The following COL4A2 variants were observed in gnomAD, a reference collection of about 807,000 sequenced individuals.
The protein encoded by COL4A2 is collagen alpha-2(IV) chain.
COL4A2 carries 99 observed loss-of-function variants against 200.2 expected under a neutral mutation model. That is an observed-to-expected ratio of 0.49 (90% CI 0.42 to 0.58). The LOEUF is 0.58. COL4A2 is among the 20% of genes least tolerant of loss of function. COL4A2 has a pLI of 0.00. For synonymous variants in COL4A2, 897 were observed against 900.6 expected (o/e 1.00, Z 0.07); for missense variants, 1,950 against 2,314.1 (o/e 0.84, Z 3.23).
At chr13:110,440,456 G>T (rs2139469454) in intron 16 of COL4A2, among the ~76,000 whole-genome samples, 1 of 152,092 alleles carries the variant, frequency 6.6e-6, no homozygotes, top group African/African-American at 2.4e-5. Context: ...AATTTGCCAG[G>T]CATGGTGTGG....
chr13:110,336,617 G>T lies in COL4A2; in HGVS notation c.100-20855G>T, dbSNP rs1876204166. Among the ~76,000 whole-genome samples the T allele has an allele frequency of 2.0e-5, 3 of 152,272 alleles. 1 individual carries two copies. The highest frequency in any genetic ancestry group is 6.8e-3 in the Middle Eastern group (2 of 294). ...TTGTTCCCTTTCCTGGGGAAAGGGG[G>T]TCCCTTTTTATCTGCATCAGGGGTT... On this transcript the variant is annotated intron_variant, in intron 3 of 47. Transcript: ENST00000360467.
At chr13:110,311,418 G>T (rs1884979193) in intron 3 of COL4A2, among the ~76,000 whole-genome samples, 1 of 152,192 alleles carries the variant, frequency 6.6e-6, no homozygotes, top group Non-Finnish European at 1.5e-5. Flanking sequence ...CTTGAGGCAG[G>T]TGACGGGGTG....
intron 4 of COL4A2, among the ~76,000 whole-genome samples, chr13:110,395,835 C>T (rs957948368): frequency 1.3e-5 from 2 of 152,148 alleles, no homozygotes; most frequent in African/African-American, 2.4e-5. Context: ...ATCCCAGCTA[C>T]TCGGAAGTTT....
intron 4 of COL4A2, among the ~76,000 whole-genome samples, chr13:110,367,649 G>T (rs1314148377): frequency 6.6e-6 from 1 of 152,270 alleles, no homozygotes; most frequent in African/African-American, 2.4e-5. Flanking sequence ...AGCAAAAGCA[G>T]GCTTTCTCAG....
chr13:110,364,029 A>G (rs1307648525), intron 4 of COL4A2, among the ~76,000 whole-genome samples: 1 of 152,204 alleles, frequency 6.6e-6, no homozygotes. Context: ...AGATGTGGGC[A>G]TGTGTGGAAT....
intron 20 of COL4A2, among the ~76,000 whole-genome samples, chr13:110,452,045 C>T (rs59717095): frequency 0.088 from 13,337 of 152,306 alleles, 663 homozygotes; most frequent in East Asian, 0.19. Flanking sequence ...CTTACAGCCT[C>T]CTACCTTCGG....
chr13:110,313,364 T>G lies in COL4A2; in HGVS notation c.99+5241T>G, dbSNP rs1055063471. Among the ~76,000 whole-genome samples the G allele has an allele frequency of 4.6e-5, 7 of 152,306 alleles. No individual in the cohort carries two copies. The South Asian group carries it at 6.2e-4, about 14-fold the overall frequency. On this transcript the variant is annotated intron_variant, in intron 3 of 47. Coordinates refer to ENST00000360467, the MANE Select transcript of COL4A2 (RefSeq NM_001846.4). ...CTGAAAGGAGAAGGCGGCATCTAAT[T>G]CTAGGGAGACTTCACAGGTGTCTCC...
chr13:110,346,119 T>C (rs931640155), intron 3 of COL4A2, among the ~76,000 whole-genome samples: 1 of 152,188 alleles, frequency 6.6e-6, no homozygotes, highest in African/African-American at 2.4e-5. Context: ...AGAGGTGAAT[T>C]TGGAAATGAG....
chr13:110,331,481 C>T lies in COL4A2; in HGVS notation c.99+23358C>T, dbSNP rs1045206902. 3.3e-5 allele frequency among the ~76,000 whole-genome samples: 5 copies of T among 152,298 alleles called. No homozygotes were observed. In the East Asian group the frequency reaches 5.8e-4, roughly 18 times the overall value. On this transcript the variant is annotated intron_variant, in intron 3 of 47. Coordinates refer to ENST00000360467, the MANE Select transcript of COL4A2 (RefSeq NM_001846.4). The stretch of plus-strand genomic sequence containing the variant: ...GGCTGCCTTGGCCCATGCAGACTCA[C>T]GCCTGACCCTCGTTACTGGGCCGCT...
intron 10 of COL4A2, chr13:110,430,860 C>T: frequency 1.4e-6 from 1 of 702,098 alleles, no homozygotes; most frequent in Admixed American, 1.8e-5. Context: ...TTGGTTCCGG[C>T]AGGGTGCCCT....
At chr13:110,365,454 A>T (rs1269122820) in intron 4 of COL4A2, among the ~76,000 whole-genome samples, 3 of 152,052 alleles carry the variant, frequency 2.0e-5, no homozygotes, top group Admixed American at 2.0e-4. Context: ...CATTTTCTTT[A>T]ATTAGAACTA....
chr13:110,358,920 T>C (rs1444290745), intron 4 of COL4A2, among the ~76,000 whole-genome samples: 3 of 152,228 alleles, frequency 2.0e-5, no homozygotes, highest in Admixed American at 1.3e-4. Context: ...TCATTGTTCA[T>C]TATAAGTACG....
intron 4 of COL4A2, among the ~76,000 whole-genome samples, chr13:110,410,367 C>G (rs990169295): frequency 6.6e-6 from 1 of 152,224 alleles, no homozygotes; most frequent in African/African-American, 2.4e-5. Flanking sequence ...TAAGTTGCTG[C>G]TAACATCCTG....
intron 4 of COL4A2, among the ~76,000 whole-genome samples, chr13:110,377,310 T>C (rs1878277674): frequency 6.6e-6 from 1 of 152,206 alleles, no homozygotes; most frequent in Non-Finnish European, 1.5e-5. Flanking sequence ...GCAGTATTGG[T>C]TGCATCTGTC....
chr13:110,473,301 C>T, intron 29 of COL4A2, 151 bp downstream of exon 29: 1 of 671,404 alleles, frequency 1.5e-6, no homozygotes, highest in Non-Finnish European at 2.4e-6. Context: ...TTCCAGCACT[C>T]CTTTAGAATG....
chr13:110,471,786 A>G (rs1882478235), intron 28 of COL4A2, among the ~76,000 whole-genome samples: 1 of 152,204 alleles, frequency 6.6e-6, no homozygotes, highest in Non-Finnish European at 1.5e-5. Flanking sequence ...CACAGAACAC[A>G]GAAAACATTC....
rs4771680 is a variant in COL4A2, at chr13:110,445,670, T to C, written c.958-159T>C. On this transcript the variant is annotated intron_variant, in intron 16 of 47. Coordinates refer to ENST00000360467, the MANE Select transcript of COL4A2 (RefSeq NM_001846.4). ...CTAGCAAAGCAACCTTAAAAAGACA[T>C]TTTTGAGACCCAAGTCAGGGAAAAT... 0.19 allele frequency among the ~76,000 whole-genome samples: 28,989 copies of C among 152,254 alleles called. 2,966 individuals carry two copies. The highest frequency in any genetic ancestry group is 0.33 in the East Asian group (1,726 of 5,180).
At chr13:110,319,704 T>G (rs1885230510) in intron 3 of COL4A2, among the ~76,000 whole-genome samples, 1 of 152,188 alleles carries the variant, frequency 6.6e-6, no homozygotes. Context: ...TTGTCCTAAT[T>G]GTAACAAGCA....
chr13:110,314,428 G>C (rs1003904123), intron 3 of COL4A2, among the ~76,000 whole-genome samples: 1 of 152,246 alleles, frequency 6.6e-6, no homozygotes, highest in African/African-American at 2.4e-5. Flanking sequence ...CATAGAGTAA[G>C]TGAACAGAAG....
Sources: allele counts gnomAD v4.1 joint callset (sites outside exome capture counted in the v4.1 genomes callset), GRCh38; gene constraint gnomAD v4.1.1; transcripts MANE v1.5; gene names NCBI Gene and HGNC (gene_info 2026-07-23, HGNC 2026-07-21).